The following KAZN variants were observed in gnomAD, a reference collection of about 807,000 sequenced individuals.
KAZN encodes the protein kazrin, periplakin interacting protein.
Under a neutral mutation model 87.4 loss-of-function variants are expected in KAZN, and 40 were observed. That is an observed-to-expected ratio of 0.46 (90% CI 0.36 to 0.60). The LOEUF is 0.60. KAZN is among the 20% of genes least tolerant of loss of function. The probability of loss-of-function intolerance (pLI) is 0.00; values close to 1 mark genes in which losing one functional copy is unlikely to be tolerated. For synonymous variants in KAZN, 466 were observed against 458.3 expected (o/e 1.02, Z -0.22); for missense variants, 898 against 1,073.9 (o/e 0.84, Z 2.29).
At chr1:14,170,648 A>C (rs1054555080) in intron 1 of KAZN, among the ~76,000 whole-genome samples, 1 of 152,152 alleles carries the variant, frequency 6.6e-6, no homozygotes, top group Non-Finnish European at 1.5e-5. Flanking sequence ...GAACCTTTTT[A>C]TTGCCACAAA....
At chr1:14,302,345 C>G (rs931167440) in intron 2 of KAZN, among the ~76,000 whole-genome samples, 3 of 152,214 alleles carry the variant, frequency 2.0e-5, no homozygotes, top group Non-Finnish European at 4.4e-5. Flanking sequence ...CCTCTCCCAT[C>G]TTGCACCAAA....
chr1:14,964,919 A>G (rs143844436), intron 2 of KAZN, among the ~76,000 whole-genome samples: 2 of 152,230 alleles, frequency 1.3e-5, no homozygotes, highest in East Asian at 1.9e-4. Context: ...GGCTTAGAAG[A>G]TTCCTTTGTT....
chr1:14,222,282 C>G (rs574940095), intron 2 of KAZN, among the ~76,000 whole-genome samples: 1 of 152,114 alleles, frequency 6.6e-6, no homozygotes, highest in African/African-American at 2.4e-5. Context: ...CGGCCATGCC[C>G]GTGGGGAACT....
chr1:14,981,567 C>T (rs1055348840), intron 2 of KAZN, among the ~76,000 whole-genome samples: 6 of 152,244 alleles, frequency 3.9e-5, no homozygotes, highest in Admixed American at 6.5e-5. Context: ...GGGGTTATAG[C>T]CCTGTGGCAG....
chr1:14,037,559 C>A (rs1189432396), intron 1 of KAZN, among the ~76,000 whole-genome samples: 3 of 152,218 alleles, frequency 2.0e-5, no homozygotes, highest in Non-Finnish European at 4.4e-5. Context: ...GCTCCTCAGG[C>A]AGCAGCTATC....
intron 2 of KAZN, among the ~76,000 whole-genome samples, chr1:14,339,803 G>A (rs1253310602): frequency 6.6e-6 from 1 of 152,198 alleles, no homozygotes; most frequent in African/African-American, 2.4e-5. Context: ...GGCACCACAT[G>A]AGCTAGTCCA....
At chr1:14,741,869 C>T (rs116028653) in intron 1 of KAZN, among the ~76,000 whole-genome samples, 5,171 of 152,260 alleles carry the variant, frequency 0.034, 284 homozygotes, top group African/African-American at 0.12. Context: ...TGCATCTCAA[C>T]CTTGATGTTT....
chr1:14,078,337 T>A (rs1328285688), intron 1 of KAZN, among the ~76,000 whole-genome samples: 3 of 152,226 alleles, frequency 2.0e-5, no homozygotes, highest in Non-Finnish European at 4.4e-5. Context: ...AGCATCGTGA[T>A]TGGCAGCAAC....
At chr1:14,483,208 T>TTTC (rs1186012721) in intron 2 of KAZN, among the ~76,000 whole-genome samples, 3 of 152,156 alleles carry the variant, frequency 2.0e-5, no homozygotes, top group Non-Finnish European at 4.4e-5. Flanking sequence ...CCAAGGCCAT[T>TTTC]TTCCAGCAAG....
intron 1 of KAZN, among the ~76,000 whole-genome samples, chr1:14,001,317 A>G (rs1412893858): frequency 6.6e-6 from 1 of 152,200 alleles, no homozygotes. Context: ...GACTTCTTCA[A>G]GGAGAACTAC....
chr1:14,156,907 T>C (rs572463597), intron 1 of KAZN, among the ~76,000 whole-genome samples: 34 of 137,578 alleles, frequency 2.5e-4, no homozygotes, highest in Admixed American at 1.4e-3. Flanking sequence ...TTTGTGGTCT[T>C]TTGTTTTTTT....
intron 1 of KAZN, among the ~76,000 whole-genome samples, chr1:14,828,992 C>G (rs1646977574): frequency 1.3e-5 from 2 of 152,208 alleles, no homozygotes; most frequent in Admixed American, 1.3e-4. Flanking sequence ...CACATGGCCA[C>G]CCTTGCTACA....
chr1:15,059,304 C>T (rs1241344158), intron 5 of KAZN, among the ~76,000 whole-genome samples: 1 of 152,172 alleles, frequency 6.6e-6, no homozygotes, highest in African/African-American at 2.4e-5. Flanking sequence ...GGAAGGCCTC[C>T]TGGGACAGGC....
intron 2 of KAZN, among the ~76,000 whole-genome samples, chr1:14,475,148 T>C (rs926886440): frequency 2.0e-5 from 3 of 151,922 alleles, no homozygotes; most frequent in Non-Finnish European, 2.9e-5. Context: ...GATGGATGGA[T>C]GGATGGATGG....
intron 1 of KAZN, among the ~76,000 whole-genome samples, chr1:14,865,706 TG>T (rs1651372220): frequency 6.6e-6 from 1 of 152,184 alleles, no homozygotes; most frequent in African/African-American, 2.4e-5. Context: ...CATGTCTACC[TG>T]GAATGATAGA....
At chr1:14,461,440 C>T (rs1667845479) in intron 2 of KAZN, among the ~76,000 whole-genome samples, 1 of 152,134 alleles carries the variant, frequency 6.6e-6, no homozygotes, top group African/African-American at 2.4e-5. Flanking sequence ...TGTCTGCCAC[C>T]ATGTAAGTCG....
chr1:14,965,508 T>C (rs772560804), intron 2 of KAZN, among the ~76,000 whole-genome samples: 1 of 152,212 alleles, frequency 6.6e-6, no homozygotes, highest in Non-Finnish European at 1.5e-5. Flanking sequence ...CCTTTTTAAA[T>C]CTCTTAACAG....
chr1:13,966,871 A>C (rs1354642429), intron 1 of KAZN, among the ~76,000 whole-genome samples: 2 of 152,116 alleles, frequency 1.3e-5, no homozygotes, highest in East Asian at 3.9e-4. Flanking sequence ...TTTTCTTTTT[A>C]CTTTTTTAAA....
intron 1 of KAZN, among the ~76,000 whole-genome samples, chr1:14,805,855 G>A (rs182269108): frequency 6.6e-6 from 1 of 151,982 alleles, no homozygotes; most frequent in Admixed American, 6.6e-5. Context: ...GGGAAAGGAG[G>A]TGGAGAGAAT....
Sources: gnomAD v4.1 joint callset for allele counts (sites outside exome capture counted in the v4.1 genomes callset) on GRCh38, gnomAD v4.1.1 for gene constraint, MANE v1.5 for transcripts, NCBI Gene and HGNC (gene_info 2026-07-23, HGNC 2026-07-21) for gene names.